The following ATE1 variants were observed in gnomAD, a reference collection of about 807,000 sequenced individuals.
The protein encoded by ATE1 is arginyltransferase 1, also known as arginyl-tRNA--protein transferase 1.
Under a neutral mutation model 70.5 loss-of-function variants are expected in ATE1, and 36 were observed. The observed-to-expected ratio is 0.51, with a 90% CI of 0.39 to 0.67. The LOEUF (loss-of-function observed/expected upper bound fraction) is 0.67, where lower values mean the gene tolerates loss of function less well. Among genes scored for constraint, ATE1 ranks in the 30% least tolerant of loss-of-function variants. ATE1 has a pLI of 0.00. For synonymous variants in ATE1, 232 were observed against 219.3 expected (o/e 1.06, Z -0.51); for missense variants, 593 against 629.5 (o/e 0.94, Z 0.62).
chr10:121,903,115 T>TCCCTTGGACAGACTGGTCTCAAACG (rs1344332605), intron 5 of ATE1, among the ~76,000 whole-genome samples: 2 of 151,980 alleles, frequency 1.3e-5, no homozygotes, highest in Non-Finnish European at 2.9e-5. Context: ...GGTCTCAAAC[T>TCCCTTGGACAGACTGGTCTCAAACG]CCTGACCTCG....
At chr10:121,828,355 T>C (rs149635092) in intron 10 of ATE1, among the ~76,000 whole-genome samples, 14 of 152,232 alleles carry the variant, frequency 9.2e-5, no homozygotes, top group African/African-American at 3.1e-4. Flanking sequence ...AACAATAACT[T>C]ATTATTCCTC....
At chr10:121,792,387 A>G (rs1320847395) in intron 10 of ATE1, among the ~76,000 whole-genome samples, 3 of 152,184 alleles carry the variant, frequency 2.0e-5, no homozygotes, top group Admixed American at 2.0e-4. Context: ...GTTTTGTTCT[A>G]TTCCAATAGG....
intron 7 of ATE1, among the ~76,000 whole-genome samples, chr10:121,877,993 T>C (rs1164372438): frequency 6.6e-6 from 1 of 152,220 alleles, no homozygotes; most frequent in Non-Finnish European, 1.5e-5. Flanking sequence ...TGCCCAGCAA[T>C]AGTAGAACAG....
intron 10 of ATE1, among the ~76,000 whole-genome samples, chr10:121,821,102 TG>T (rs1947778391): frequency 6.6e-6 from 1 of 152,158 alleles, no homozygotes; most frequent in Non-Finnish European, 1.5e-5. Context: ...CCACCACGCC[TG>T]GCTAATTTCT....
chr10:121,758,085 G>C (rs1173402794), intron 11 of ATE1, among the ~76,000 whole-genome samples: 1 of 152,204 alleles, frequency 6.6e-6, no homozygotes, highest in Non-Finnish European at 1.5e-5. Flanking sequence ...AGAGTCCTGA[G>C]ACAAGAACAA....
intron 7 of ATE1, among the ~76,000 whole-genome samples, chr10:121,875,262 C>G (rs1486566401): frequency 6.7e-6 from 1 of 150,114 alleles, no homozygotes; most frequent in African/African-American, 2.4e-5. Flanking sequence ...TAGGTCTACC[C>G]ACTTAAGTAA....
chr10:121,764,778 A>C (rs1200937565), intron 11 of ATE1, among the ~76,000 whole-genome samples: 1 of 152,192 alleles, frequency 6.6e-6, no homozygotes, highest in East Asian at 1.9e-4. Context: ...TGTGTATGCT[A>C]CCTGCACATT....
intron 10 of ATE1, among the ~76,000 whole-genome samples, chr10:121,798,717 T>C (rs567912943): frequency 1.3e-5 from 2 of 151,656 alleles, no homozygotes; most frequent in South Asian, 2.1e-4. Flanking sequence ...CTGACCAACA[T>C]GGTGAAACCC....
At chr10:121,761,879 C>T (rs192278769) in intron 11 of ATE1, among the ~76,000 whole-genome samples, 2 of 152,262 alleles carry the variant, frequency 1.3e-5, no homozygotes, top group African/African-American at 4.8e-5. Context: ...TTAAGACTGC[C>T]ATCTGGGACA....
intron 7 of ATE1, among the ~76,000 whole-genome samples, chr10:121,882,189 G>C (rs12258426): frequency 0.13 from 20,003 of 152,040 alleles, 1,485 homozygotes; most frequent in East Asian, 0.18. Flanking sequence ...GAGTGGTTTT[G>C]AATATTACTT....
intron 10 of ATE1, among the ~76,000 whole-genome samples, chr10:121,805,249 A>C (rs937889382): frequency 1.3e-5 from 2 of 152,238 alleles, no homozygotes; most frequent in Admixed American, 1.3e-4. Context: ...ATTTGAATAA[A>C]ATAATAAACA....
intron 11 of ATE1, among the ~76,000 whole-genome samples, chr10:121,769,394 C>T (rs1164074760): frequency 6.6e-6 from 1 of 152,028 alleles, no homozygotes; most frequent in East Asian, 1.9e-4. Flanking sequence ...AAACTTAAAC[C>T]CAAATGGATG....
At chr10:121,875,314 T>G (rs1226232956) in intron 7 of ATE1, among the ~76,000 whole-genome samples, 5 of 143,162 alleles carry the variant, frequency 3.5e-5, no homozygotes, top group Admixed American at 6.9e-5. Context: ...TTTTGTTTTT[T>G]TTTTTTTGAT....
chr10:121,841,941 G>A (rs1948645460), intron 8 of ATE1, among the ~76,000 whole-genome samples: 1 of 152,132 alleles, frequency 6.6e-6, no homozygotes, highest in South Asian at 2.1e-4. Context: ...TAAAAACTAT[G>A]TTCTTCTATT....
intron 11 of ATE1, among the ~76,000 whole-genome samples, chr10:121,764,203 T>TA (rs35119827): frequency 0.11 from 15,908 of 146,626 alleles, 935 homozygotes; most frequent in South Asian, 0.17. Context: ...CTAAAGCTGT[T>TA]AAAAAAAAAA....
intron 10 of ATE1, among the ~76,000 whole-genome samples, chr10:121,815,538 A>G (rs1947506974): frequency 6.6e-6 from 1 of 152,208 alleles, no homozygotes; most frequent in African/African-American, 2.4e-5. Context: ...CTTTAAATTG[A>G]CATAAAGGTC....
At chr10:121,763,044 G>C (rs939551365) in intron 11 of ATE1, among the ~76,000 whole-genome samples, 1 of 152,180 alleles carries the variant, frequency 6.6e-6, no homozygotes, top group Non-Finnish European at 1.5e-5. Context: ...TGTACAATTT[G>C]CCTTTTAGAG....
At chr10:121,784,488 T>C (rs1036770986) in intron 11 of ATE1, among the ~76,000 whole-genome samples, 3 of 152,218 alleles carry the variant, frequency 2.0e-5, no homozygotes, top group African/African-American at 7.2e-5. Context: ...TAGTATCTTT[T>C]TAAACCAAGA....
chr10:121,843,508 A>G (rs1420438951), intron 8 of ATE1, among the ~76,000 whole-genome samples: 3 of 152,224 alleles, frequency 2.0e-5, no homozygotes, highest in African/African-American at 7.2e-5. Flanking sequence ...AAAGTTGGAA[A>G]AAACTGTTGA....
Sources: gnomAD v4.1 joint callset for allele counts (sites outside exome capture counted in the v4.1 genomes callset) on GRCh38, gnomAD v4.1.1 for gene constraint, MANE v1.5 for transcripts, NCBI Gene and HGNC (gene_info 2026-07-23, HGNC 2026-07-21) for gene names.